Variants in SYT16 observed in about 807,000 individuals in gnomAD.
SYT16 encodes the protein synaptotagmin 16, also known as synaptotagmin-16.
Under a neutral mutation model 61.4 loss-of-function variants are expected in SYT16, and 42 were observed. The ratio of observed to expected loss-of-function variants is 0.68; its 90% CI spans 0.53 to 0.89. The LOEUF is 0.89. SYT16 is among the 40% of genes least tolerant of loss of function. The probability of loss-of-function intolerance (pLI) is 0.00; values close to 1 mark genes in which losing one functional copy is unlikely to be tolerated. For synonymous variants in SYT16, 314 were observed against 302.3 expected, an observed-to-expected ratio of 1.04 and a Z score of -0.40; for missense variants, 804 against 807.3, an observed-to-expected ratio of 1.00 and a Z score of 0.05.
chr14:61,958,019 T>C lies in SYT16; in HGVS notation c.-324-12113T>C, dbSNP rs189012543. Among the ~76,000 whole-genome samples, 19 of 152,042 alleles carry C rather than the reference T, an allele frequency of 1.2e-4. No individual in the cohort carries two copies. In the East Asian group the frequency reaches 3.5e-3, roughly 28 times the overall value. On this transcript the variant is annotated intron_variant, in intron 1 of 7. Transcript: ENST00000683842. ...GCTTTCTGTTACTTCTTGTTTTAGG[T>C]AGGTCGTATATTGTTAGGAACTTCT...
At chr14:61,968,547 C>G (rs1455492314) in intron 1 of SYT16, among the ~76,000 whole-genome samples, 3 of 152,060 alleles carry the variant, frequency 2.0e-5, no homozygotes, top group Non-Finnish European at 4.4e-5. Flanking sequence ...TTTGACTGCT[C>G]CTAGATATTT....
At chr14:62,043,407 CTTTTTTTT>C (rs1203186408) in intron 3 of SYT16, among the ~76,000 whole-genome samples, 1 of 122,558 alleles carries the variant, frequency 8.2e-6, no homozygotes, top group East Asian at 2.3e-4. Flanking sequence ...ATTTTTCTTT[CTTTTTTTT>C]TTTTTTTTTT....
intron 7 of SYT16, among the ~76,000 whole-genome samples, chr14:62,085,781 A>T (rs1413913314): frequency 6.6e-6 from 1 of 152,256 alleles, no homozygotes; most frequent in African/African-American, 2.4e-5. Flanking sequence ...TCAGAGCCAC[A>T]TGAGGGCTAT....
intron 1 of SYT16, among the ~76,000 whole-genome samples, chr14:61,916,114 A>G (rs2049111383): frequency 3.9e-5 from 6 of 152,198 alleles, no homozygotes; most frequent in Admixed American, 2.6e-4. Context: ...CTTAAATACT[A>G]AAGATGACTT....
chr14:61,942,204 T>G (rs1246504489), intron 1 of SYT16, among the ~76,000 whole-genome samples: 1 of 152,242 alleles, frequency 6.6e-6, no homozygotes, highest in Non-Finnish European at 1.5e-5. Flanking sequence ...TTAAAATCAT[T>G]TCTTATTTTA....
At chr14:62,080,284 G>C (rs1424434935) in intron 5 of SYT16, among the ~76,000 whole-genome samples, 1 of 152,214 alleles carries the variant, frequency 6.6e-6, no homozygotes, top group Non-Finnish European at 1.5e-5. Flanking sequence ...AGAATCCTCA[G>C]ATGATTTAGG....
intron 6 of SYT16, among the ~76,000 whole-genome samples, chr14:62,082,821 A>C (rs1246166030): frequency 6.6e-6 from 1 of 152,192 alleles, no homozygotes; most frequent in African/African-American, 2.4e-5. Flanking sequence ...GAATGGGGAA[A>C]ATGAGCTAGT....
chr14:62,001,485 G>A (rs1278166715), intron 3 of SYT16, among the ~76,000 whole-genome samples: 1 of 152,016 alleles, frequency 6.6e-6, no homozygotes, highest in Non-Finnish European at 1.5e-5. Flanking sequence ...TCTTTCACTT[G>A]GAGCTTTGAA....
At chr14:61,910,382 G>A (rs1164521612) in intron 1 of SYT16, among the ~76,000 whole-genome samples, 4 of 150,362 alleles carry the variant, frequency 2.7e-5, no homozygotes, top group Non-Finnish European at 4.4e-5. Flanking sequence ...GAGATTACAG[G>A]CGCCAGCCAC....
intron 3 of SYT16, among the ~76,000 whole-genome samples, chr14:62,007,333 G>T (rs1301052258): frequency 6.6e-6 from 1 of 152,034 alleles, no homozygotes; most frequent in African/African-American, 2.4e-5. Context: ...ATCTTCATTT[G>T]TTAGTCCTTC....
In SYT16 at chr14:62,103,271, T is replaced by C. The variant is rs547351743; in HGVS notation, c.*2564T>C. Reference sequence around the variant, plus strand: ...TTACATTTGGTTTTCAAAAGAGTTATGAAAGATAATTAGTTGGTTCTGCAG... The same window carrying C: ...TTACATTTGGTTTTCAAAAGAGTTACGAAAGATAATTAGTTGGTTCTGCAG... On this transcript the variant is annotated 3_prime_UTR_variant, in exon 8 of 8. Transcript: ENST00000683842. 4 of 152,338 alleles carry C rather than the reference T, an allele frequency of 2.6e-5. No homozygotes were observed. Among genetic ancestry groups the C allele is most frequent in the Middle Eastern group, 3.4e-3 (1 of 294 alleles). The allele number at this position is 152,338 out of a possible 1,614,324, so 9.4% of individuals were successfully genotyped here. A position where few individuals can be genotyped will look rare whatever the true frequency, so the allele number is the denominator to read the frequency against.
In SYT16 at chr14:61,938,709, G is replaced by A. The variant is rs961563513; in HGVS notation, c.-324-31423G>A. ...GAGAAACCATTAACACCAGCTAAGG[G>A]GGACTGACATGGTTAAAAAACAGGT... On this transcript the variant is annotated intron_variant, in intron 1 of 7. Coordinates refer to ENST00000683842, the MANE Select transcript of SYT16 (RefSeq NM_001367656.1). 1.1e-4 allele frequency among the ~76,000 whole-genome samples: 16 copies of A among 152,308 alleles called. No homozygotes were observed. In the Middle Eastern group the frequency reaches 0.01, roughly 97 times the overall value.
chr14:61,880,568 A>G (rs2047664630), intron 1 of SYT16, among the ~76,000 whole-genome samples: 1 of 152,242 alleles, frequency 6.6e-6, no homozygotes, highest in Non-Finnish European at 1.5e-5. Flanking sequence ...GAATTAAATC[A>G]CTGCAAAATC....
intron 3 of SYT16, among the ~76,000 whole-genome samples, chr14:62,010,240 A>G (rs980263888): frequency 3.9e-5 from 6 of 152,200 alleles, no homozygotes; most frequent in African/African-American, 1.2e-4. Flanking sequence ...TGTGATATTC[A>G]CCAGCCAAAC....
intron 1 of SYT16, among the ~76,000 whole-genome samples, chr14:61,934,010 C>CAT (rs566400862): frequency 1.8e-3 from 270 of 151,334 alleles, no homozygotes; most frequent in African/African-American, 6.2e-3. Context: ...AGTACATAGT[C>CAT]ATATATATAT....
rs577544689 is a variant in SYT16 at position 62,044,200 on chromosome 14, T to C, written c.524-25403T>C. 8.6e-5 allele frequency among the ~76,000 whole-genome samples: 12 copies of C among 139,400 alleles called. No homozygotes were observed. In the East Asian group the frequency reaches 2.7e-3, roughly 31 times the overall value. 91.5% of individuals were successfully genotyped at this position (139,400 alleles called of 152,430 possible). A position where few individuals can be genotyped will look rare whatever the true frequency, so the allele number is the denominator to read the frequency against. ...GGGTGACAGAGCAAGACCCTGTCTT[T>C]GAAAAAAAAAAAAATAGGAAACGAA... On this transcript the variant is annotated intron_variant, in intron 3 of 7. Coordinates refer to ENST00000683842, the MANE Select transcript of SYT16 (RefSeq NM_001367656.1).
At chr14:62,010,171 C>G (rs572960677) in intron 3 of SYT16, among the ~76,000 whole-genome samples, 2 of 152,150 alleles carry the variant, frequency 1.3e-5, no homozygotes, top group Non-Finnish European at 2.9e-5. Context: ...TGCAGGTAAA[C>G]TGCCACTTTC....
At chr14:61,837,325 C>A (rs1048864142) in intron 1 of SYT16, among the ~76,000 whole-genome samples, 9 of 149,826 alleles carry the variant, frequency 6.0e-5, no homozygotes, top group African/African-American at 2.0e-4. Flanking sequence ...CAACCTCTGT[C>A]TCCTGGGCTC....
At chr14:62,034,829 T>A (rs1388135214) in intron 3 of SYT16, among the ~76,000 whole-genome samples, 1 of 152,196 alleles carries the variant, frequency 6.6e-6, no homozygotes, top group African/African-American at 2.4e-5. Context: ...TTGTACTGTA[T>A]ACTTAAAATT....
Sources: allele counts gnomAD v4.1 joint callset (sites outside exome capture counted in the v4.1 genomes callset), GRCh38; gene constraint gnomAD v4.1.1; transcripts MANE v1.5; gene names NCBI Gene and HGNC (gene_info 2026-07-23, HGNC 2026-07-21).